Variants in C8orf58 observed in about 807,000 individuals in gnomAD.
The protein encoded by C8orf58 is uncharacterized protein C8orf58.
A neutral mutation model predicts 36.8 loss-of-function variants in C8orf58; 31 were observed. That is an observed-to-expected ratio of 0.84 (90% CI 0.63 to 1.14). C8orf58 has a LOEUF of 1.14. Among genes scored for constraint, C8orf58 ranks in the 50% most tolerant of loss-of-function variants. The probability of loss-of-function intolerance (pLI) is 0.00; values close to 1 mark genes in which losing one functional copy is unlikely to be tolerated. For synonymous variants in C8orf58, 230 were observed against 200.2 expected, an observed-to-expected ratio of 1.15 and a Z score of -1.26; for missense variants, 538 against 480.8, an observed-to-expected ratio of 1.12 and a Z score of -1.11.
chr8:22,602,088 G>A lies in C8orf58; in HGVS notation c.766+8G>A, dbSNP rs1414068378. 1 of 1,561,158 alleles carries A rather than the reference G, an allele frequency of 6.4e-7. No individual in the cohort carries two copies. The highest frequency in any genetic ancestry group is 8.7e-7 in the Non-Finnish European group (1 of 1,151,904). ...GCCAGACAGAGCACACAGGTGAGGG[G>A]CCATCGTGTCTCCCTTTGTCCTGCC... On this transcript the variant is annotated splice_region_variant and intron_variant, in intron 4 of 6. Transcript: ENST00000289989.
intron 6 of C8orf58, 25 bp downstream of exon 6, chr8:22,602,668 TA>T: frequency 7.1e-7 from 1 of 1,413,254 alleles, no homozygotes; most frequent in Non-Finnish European, 9.6e-7. Flanking sequence ...CAGCCCAGGT[TA>T]GGGCACGGAG....
intron 6 of C8orf58, chr8:22,602,982 G>A: frequency 1.7e-6 from 1 of 599,900 alleles, no homozygotes; most frequent in Non-Finnish European, 3.0e-6. Flanking sequence ...GCAAGGTGGA[G>A]CACAAAGGAT....
Position 22,601,146 on chromosome 8 carries a change from C to A in C8orf58, c.305C>A (p.Pro102His). 6.2e-7 allele frequency: 1 copy of A among 1,611,032 alleles called. No individual in the cohort carries two copies. The highest frequency in any genetic ancestry group is 8.5e-7 in the Non-Finnish European group (1 of 1,179,510). Residue 102 changes from proline (P) to histidine (H), a missense_variant, in exon 2 of 7, where the codon CCC becomes CAC. Coordinates refer to ENST00000289989, the MANE Select transcript of C8orf58 (RefSeq NM_001013842.3). ...DFESSGSSEPPAQVGRLLASQ... is the reference protein window; with the variant it reads ...DFESSGSSEPHAQVGRLLASQ... Reference sequence around the variant, plus strand: ...GAATCCTCAGGGAGTTCTGAGCCCCCCGCCCAGGTAGGCCGACTCCTGGCC... The same window carrying A: ...GAATCCTCAGGGAGTTCTGAGCCCCACGCCCAGGTAGGCCGACTCCTGGCC...
chr8:22,601,159 C>A lies in C8orf58; in HGVS notation c.318C>A (p.Gly106=). ...SGSSEPPAQV[G]RLLASQKLGE... Reference sequence around the variant, plus strand: ...GTTCTGAGCCCCCCGCCCAGGTAGGCCGACTCCTGGCCAGCCAGAAGCTGG... The same window carrying A: ...GTTCTGAGCCCCCCGCCCAGGTAGGACGACTCCTGGCCAGCCAGAAGCTGG... The change falls in exon 2 of 7, where the codon GGC becomes GGA. Residue 106 remains glycine (G), a synonymous_variant. Coordinates refer to ENST00000289989, the MANE Select transcript of C8orf58 (RefSeq NM_001013842.3). 6.2e-7 allele frequency: 1 copy of A among 1,610,354 alleles called. No homozygotes were observed. Among genetic ancestry groups the A allele is most frequent in the Non-Finnish European group, 8.5e-7 (1 of 1,179,150 alleles).
At chr8:22,602,977 G>A (rs1800914274) in intron 6 of C8orf58, 2 of 598,562 alleles carry the variant, frequency 3.3e-6, no homozygotes, top group Admixed American at 5.9e-5. Context: ...GGAGAGCAAG[G>A]TGGAGCACAA....
At chr8:22,599,784 G>T in intron 1 of C8orf58, 24 bp downstream of exon 1, 1 of 1,191,440 alleles carries the variant, frequency 8.4e-7, no homozygotes, top group Non-Finnish European at 1.0e-6. Flanking sequence ...CCCCAGGCTG[G>T]CCGGGCTCCC....
In C8orf58 at chr8:22,601,842, G is replaced by A. The variant is rs1347662102; in HGVS notation, c.647G>A (p.Arg216Lys). 6.2e-7 allele frequency: 1 copy of A among 1,604,820 alleles called. No individual in the cohort carries two copies. The highest frequency in any genetic ancestry group is 1.1e-5 in the South Asian group (1 of 90,314). ...CTCTACCTGCAGCTGCGGATCCAGA[G>A]GCCCCCAGGGGTGAGTGAGATTCGA... Reference protein sequence around the residue: ...QQLYLQLRIQRPPGDPGEEES... With the variant: ...QQLYLQLRIQKPPGDPGEEES... Residue 216 changes from arginine to lysine, a missense_variant, in exon 3 of 7, where the codon AGG (arginine) becomes AAG (lysine). Arg to Lys is a conservative substitution (Grantham distance 26). Transcript: ENST00000289989.
At position 22,602,035 on chromosome 8, in the gene C8orf58, CG is replaced by C; in HGVS notation, c.726del (p.Gln243ArgfsTer7). 1.3e-6 allele frequency: 2 copies of C among 1,580,674 alleles called. No homozygotes were observed. Among genetic ancestry groups the C allele is most frequent in the Non-Finnish European group, 1.7e-6 (2 of 1,159,672 alleles). On this transcript the variant is annotated frameshift_variant, in exon 4 of 7. Transcript: ENST00000289989. LOFTEE classifies it high-confidence loss of function. ...LPSPLHTPGN[R>X]GQGPWELLSQ... ...GTCCCCGTTACACACCCCAGGCAAT[CG>C]GGGGCAGGGGCCATGGGAGCTGCTA...
intron 5 of C8orf58, 89 bp downstream of exon 5, chr8:22,602,401 C>T: frequency 3.0e-6 from 4 of 1,324,176 alleles, no homozygotes; most frequent in Non-Finnish European, 4.3e-6. Context: ...GGGCCAGCAA[C>T]TCTGGGGAAA....
At position 22,601,256 on chromosome 8, in the gene C8orf58, C is replaced by T. The variant is rs766476018; in HGVS notation, c.415C>T (p.Arg139Trp). 1.7e-5 allele frequency: 28 copies of T among 1,609,522 alleles called. No individual in the cohort carries two copies. Among genetic ancestry groups the T allele is most frequent in the Middle Eastern group, 1.7e-4 (1 of 5,994 alleles). The change falls in exon 2 of 7, where the codon CGG becomes TGG. Residue 139 changes from arginine to tryptophan, a missense_variant. Transcript: ENST00000289989. ...CTTGTCAGGACAACACCGCTCCCTG[C>T]GGCTGGCAAGCAAGCCTGAGCGTGA... is the stretch of plus-strand genomic sequence containing the variant. ...TSLSGQHRSLRLASKPEREVP... is the reference protein window; with the variant it reads ...TSLSGQHRSLWLASKPEREVP...
chr8:22,602,178 C>T, intron 4 of C8orf58, 22 bp from the exon 5 acceptor site: 1 of 1,576,800 alleles, frequency 6.3e-7, no homozygotes, highest in South Asian at 1.2e-5. Context: ...TGGCCCTGGC[C>T]AACCTGACTG....
intron 6 of C8orf58, 138 bp downstream of exon 6, chr8:22,602,781 G>A (rs1411647839): frequency 1.6e-6 from 1 of 627,550 alleles, no homozygotes; most frequent in Non-Finnish European, 2.8e-6. Flanking sequence ...AGAAGAAACA[G>A]TAGTTAAAAC....
chr8:22,602,337 AGGT>A, intron 5 of C8orf58, 25 bp downstream of exon 5: 1 of 248,198 alleles, frequency 4.0e-6, no homozygotes, highest in Non-Finnish European at 7.0e-6. Context: ...TATGTGGGGC[AGGT>A]GGTGGGCTGG....
rs1800795121 is a variant in C8orf58 at position 22,599,709 on chromosome 8, C to T, written c.-12C>T. ...CGGCTGCATTGGCCGGGGCCGGGGC[C>T]GGGAGCGGGCCATGATGGGCCGGCG... On this transcript the variant is annotated 5_prime_UTR_variant, in exon 1 of 7. Transcript: ENST00000289989. The T allele has an allele frequency of 1.6e-6, 2 of 1,212,968 alleles. No homozygotes were observed. Among genetic ancestry groups the T allele is most frequent in the East Asian group, 3.3e-5 (1 of 30,240 alleles). 75.1% of individuals were successfully genotyped at this position (1,212,968 alleles called of 1,614,324 possible). A position where few individuals can be genotyped will look rare whatever the true frequency, so the allele number is the denominator to read the frequency against.
chr8:22,602,364 G>GGGGGGGGGGGGGGGGGC, intron 5 of C8orf58, 52 bp downstream of exon 5: 1 of 720,880 alleles, frequency 1.4e-6, no homozygotes, highest in Non-Finnish European at 2.4e-6. Flanking sequence ...GGGGGGAGGG[G>GGGGGGGGGGGGGGGGGC]AGGTGGGGGA....
At position 22,603,248 on chromosome 8, in the gene C8orf58, C is replaced by T. The variant is rs77880535; in HGVS notation, c.1040C>T (p.Thr347Ile). 6.2e-7 allele frequency: 1 copy of T among 1,614,006 alleles called. No individual in the cohort carries two copies. The highest frequency in any genetic ancestry group is 1.7e-5 in the Admixed American group (1 of 60,028). The change falls in exon 7 of 7, where the codon ACC (threonine) becomes ATC (isoleucine). Residue 347 changes from threonine (T) to isoleucine (I), a missense_variant. Transcript: ENST00000289989. ...CCTCAGTGCCGCCCCCACCGGAAGA[C>T]CTTTATGCCATCATTAGTGGTTAAG... ...ERPQCRPHRK[T>I]FMPSLVVKKQ...
At position 22,603,207 on chromosome 8, in the gene C8orf58, G is replaced by C. The variant is rs1246605525; in HGVS notation, c.999G>C (p.Arg333Ser). 1 of 1,612,874 alleles carries C rather than the reference G, an allele frequency of 6.2e-7. No individual in the cohort carries two copies. The highest frequency in any genetic ancestry group is 1.3e-5 in the African/African-American group (1 of 74,854). The change falls in exon 7 of 7, where the codon AGG (arginine) becomes AGC (serine). Residue 333 changes from arginine (R) to serine (S), a missense_variant. Physicochemically the swap from Arg to Ser is moderately radical, Grantham distance 110. Coordinates refer to ENST00000289989, the MANE Select transcript of C8orf58 (RefSeq NM_001013842.3). ...PDGSDPRIESRDLPERPQCRP... is the reference protein window; with the variant it reads ...PDGSDPRIESSDLPERPQCRP... Reference sequence around the variant, plus strand: ...TTTCATTCCACAGGATCGAGTCCAGGGACCTCCCTGAAAGGCCTCAGTGCC... The same window carrying C: ...TTTCATTCCACAGGATCGAGTCCAGCGACCTCCCTGAAAGGCCTCAGTGCC...
In C8orf58 at chr8:22,603,936, C is replaced by G. The variant is rs1043987510; in HGVS notation, c.*630C>G. On this transcript the variant is annotated 3_prime_UTR_variant, in exon 7 of 7. Transcript: ENST00000289989. Reference sequence around the variant, plus strand: ...AGGAAGATCAGGGACAACCTGGGAACTGAATAACTTTCAAAGCCAGTGCTC... The same window carrying G: ...AGGAAGATCAGGGACAACCTGGGAAGTGAATAACTTTCAAAGCCAGTGCTC... The G allele has an allele frequency of 6.0e-6, 1 of 167,044 alleles. No homozygotes were observed. The highest frequency in any genetic ancestry group is 1.3e-5 in the Non-Finnish European group (1 of 76,050). 10.3% of individuals were successfully genotyped at this position (167,044 alleles called of 1,614,324 possible). A position where few individuals can be genotyped will look rare whatever the true frequency, so the allele number is the denominator to read the frequency against.
chr8:22,601,691 C>G, intron 2 of C8orf58, 21 bp from the exon 3 acceptor site: 1 of 1,587,548 alleles, frequency 6.3e-7, no homozygotes, highest in Non-Finnish European at 8.6e-7. Flanking sequence ...GAAATCTCCC[C>G]TATCTCACAA....
Sources: gnomAD v4.1 joint callset for allele counts on GRCh38, gnomAD v4.1.1 for gene constraint, MANE v1.5 for transcripts, NCBI Gene and HGNC (gene_info 2026-07-23, HGNC 2026-07-21) for gene names.